The following QSER1 variants were observed in gnomAD, a reference collection of about 807,000 sequenced individuals.
The protein encoded by QSER1 is glutamine and serine rich 1.
In QSER1, 49 loss-of-function variants were observed where a neutral mutation model predicts 158.5. The ratio of observed to expected loss-of-function variants is 0.31; its 90% CI spans 0.25 to 0.39. QSER1 has a LOEUF of 0.39. QSER1 is among the 10% of genes least tolerant of loss of function. The pLI is 1.00. For synonymous variants in QSER1, 650 were observed against 715.5 expected (o/e 0.91, Z 1.46); for missense variants, 1,754 against 2,010.3 (o/e 0.87, Z 2.44).
At chr11:32,953,740 C>A in intron 4 of QSER1, 117 bp from the exon 5 acceptor site, 1 of 1,223,862 alleles carries the variant, frequency 8.2e-7, no homozygotes. Flanking sequence ...GGTTTTGTTT[C>A]AACCAGTTTG....
chr11:32,959,859 T>C (rs765159813), intron 8 of QSER1, among the ~76,000 whole-genome samples: 2 of 151,960 alleles, frequency 1.3e-5, no homozygotes, highest in Non-Finnish European at 2.9e-5. Flanking sequence ...CCTCCCAGGC[T>C]CAAGTGATCC....
At chr11:32,907,377 A>T (rs917423447) in intron 1 of QSER1, among the ~76,000 whole-genome samples, 2 of 152,242 alleles carry the variant, frequency 1.3e-5, no homozygotes, top group African/African-American at 2.4e-5. Context: ...AATTGTGATA[A>T]ATGTATTTTT....
Position 32,934,899 on chromosome 11 carries a change from A to G in QSER1, c.3641A>G (p.Glu1214Gly). ...RAKGKGQVKE[E>G]DNSNQKQLKR... ...AAAGGAAAAGGGCAAGTTAAAGAGG[A>G]AGACAACAGTAATCAGAAACAGCTG... The change falls in exon 4 of 13, where the codon GAA (glutamate) becomes GGA (glycine). Residue 1214 changes from glutamate (E) to glycine (G), a missense_variant. Transcript: ENST00000650167. 1.2e-6 allele frequency: 2 copies of G among 1,613,846 alleles called. No individual in the cohort carries two copies. The highest frequency in any genetic ancestry group is 1.7e-6 in the Non-Finnish European group (2 of 1,179,932).
chr11:32,965,380 G>C (rs952757944), intron 8 of QSER1, among the ~76,000 whole-genome samples: 9 of 152,030 alleles, frequency 5.9e-5, no homozygotes, highest in African/African-American at 2.2e-4. Context: ...CTCCCAAAGT[G>C]TTGGGATTAC....
rs889786470 is a variant in QSER1, at chr11:32,980,094, C to T, written c.*3620C>T. 1.3e-5 allele frequency: 2 copies of T among 152,576 alleles called. No individual in the cohort carries two copies. The highest frequency in any genetic ancestry group is 2.4e-5 in the African/African-American group (1 of 41,448). The allele number at this position is 152,576 out of a possible 1,614,324, so 9.5% of individuals were successfully genotyped here. A position where few individuals can be genotyped will look rare whatever the true frequency, so the allele number is the denominator to read the frequency against. On this transcript the variant is annotated 3_prime_UTR_variant, in exon 13 of 13. Coordinates refer to ENST00000650167, the MANE Select transcript of QSER1 (RefSeq NM_001076786.3). Reference sequence around the variant, plus strand: ...CACAAATGCATGTGTTAGCAAATCACCTTTATTTATAAGTGACAATAATTG... The same window carrying T: ...CACAAATGCATGTGTTAGCAAATCATCTTTATTTATAAGTGACAATAATTG...
chr11:32,927,932 CT>C, intron 2 of QSER1, 29 bp from the exon 3 acceptor site: 1 of 460,478 alleles, frequency 2.2e-6, no homozygotes, highest in Non-Finnish European at 3.7e-6. Context: ...TTTTTTTTTA[CT>C]TTGGGATATA....
At chr11:32,958,663 T>A (rs1852568365) in intron 8 of QSER1, among the ~76,000 whole-genome samples, 1 of 152,188 alleles carries the variant, frequency 6.6e-6, no homozygotes, top group African/African-American at 2.4e-5. Flanking sequence ...ATTACGGGCA[T>A]GAGCCACTGC....
rs980515128 is a variant in QSER1 at position 32,977,340 on chromosome 11, C to T, written c.*866C>T. 2.6e-5 allele frequency: 4 copies of T among 152,494 alleles called. No homozygotes were observed. Among genetic ancestry groups the T allele is most frequent in the African/African-American group, 9.7e-5 (4 of 41,414 alleles). The allele number at this position is 152,494 out of a possible 1,614,324, so 9.4% of individuals were successfully genotyped here. ...TAATGTGAATTCTATCTTGAGGTAACCATTTTTTTCATACAGATTTGCTTC... is the reference window on the plus strand; with the variant it reads ...TAATGTGAATTCTATCTTGAGGTAATCATTTTTTTCATACAGATTTGCTTC... On this transcript the variant is annotated 3_prime_UTR_variant, in exon 13 of 13. Coordinates refer to ENST00000650167, the MANE Select transcript of QSER1 (RefSeq NM_001076786.3).
chr11:32,971,914 T>G (rs566413996), intron 10 of QSER1, among the ~76,000 whole-genome samples: 143 of 151,838 alleles, frequency 9.4e-4, no homozygotes, highest in African/African-American at 3.2e-3. Flanking sequence ...ATACAAAAAA[T>G]TAGCCGGGCG....
Position 32,932,779 on chromosome 11 carries a change from T to C in QSER1, c.1521T>C (p.Phe507=), listed in dbSNP as rs1056568094. ...KLPPLYKTLT[F]SGSSQTVTPE... ...CACCCTTGTATAAAACATTGACTTT[T>C]TCTGGGTCATCTCAGACTGTAACTC... The change falls in exon 4 of 13, where the codon TTT becomes TTC. Residue 507 remains phenylalanine, a synonymous_variant. Coordinates refer to ENST00000650167, the MANE Select transcript of QSER1 (RefSeq NM_001076786.3). The C allele has an allele frequency of 6.2e-7, 1 of 1,613,944 alleles. No individual in the cohort carries two copies. The highest frequency in any genetic ancestry group is 8.5e-7 in the Non-Finnish European group (1 of 1,179,996).
intron 4 of QSER1, among the ~76,000 whole-genome samples, chr11:32,943,022 T>G (rs1852266894): frequency 6.6e-6 from 1 of 151,848 alleles, no homozygotes; most frequent in Non-Finnish European, 1.5e-5. Flanking sequence ...ACTCATGATT[T>G]GGCTCTCTGT....
At position 32,934,581 on chromosome 11, in the gene QSER1, A is replaced by G. The variant is rs201085763; in HGVS notation, c.3323A>G (p.Lys1108Arg). 1,396 of 1,613,622 alleles carry G rather than the reference A, an allele frequency of 8.7e-4. 5 individuals carry two copies. The highest frequency in any genetic ancestry group is 1.3e-3 in the Admixed American group (76 of 59,962). ...VQEQSSGPFK[K>R]QSATNLESEE... ...GAGCAAAGTTCTGGCCCATTCAAGA[A>G]ACAGTCTGCTACCAATCTTGAATCT... Residue 1108 changes from lysine to arginine, a missense_variant, in exon 4 of 13, where the codon AAA becomes AGA. Physicochemically the swap from Lys to Arg is conservative, Grantham distance 26. This residue lies in a region of QSER1 where 1,707 missense variants were observed against 1,919.6 expected (regional missense o/e 0.89). Transcript: ENST00000650167.
Position 32,953,897 on chromosome 11 carries a change from T to C in QSER1, c.4218T>C (p.Thr1406=). Residue 1406 remains threonine, a synonymous_variant, in exon 5 of 13, where the codon ACT becomes ACC. Transcript: ENST00000650167. ...QVATTSPTAN[T]TGTATTSSTT... Reference sequence around the variant, plus strand: ...CAACTACTAGCCCAACTGCCAATACTACTGGTACTGCTACTACTTCCTCAA... The same window carrying C: ...CAACTACTAGCCCAACTGCCAATACCACTGGTACTGCTACTACTTCCTCAA... 2 of 1,614,184 alleles carry C rather than the reference T, an allele frequency of 1.2e-6. No homozygotes were observed. Among genetic ancestry groups the C allele is most frequent in the East Asian group, 4.5e-5 (2 of 44,886 alleles).
intron 1 of QSER1, among the ~76,000 whole-genome samples, chr11:32,899,939 C>G (rs376541900): frequency 2.6e-5 from 4 of 152,106 alleles, no homozygotes; most frequent in Non-Finnish European, 5.9e-5. Context: ...ACATGATTGT[C>G]ACCCTCTCAA....
intron 8 of QSER1, among the ~76,000 whole-genome samples, chr11:32,962,305 A>G (rs1290740308): frequency 6.6e-6 from 1 of 152,098 alleles, no homozygotes; most frequent in Non-Finnish European, 1.5e-5. Flanking sequence ...GGCCATTTGT[A>G]TATCTTCTTT....
chr11:32,913,340 G>A (rs369071870), intron 1 of QSER1, among the ~76,000 whole-genome samples: 11 of 151,734 alleles, frequency 7.2e-5, no homozygotes, highest in South Asian at 2.1e-4. Context: ...ACAGGTGCGC[G>A]CCACCATGCC....
intron 10 of QSER1, among the ~76,000 whole-genome samples, chr11:32,971,642 G>A (rs1240850698): frequency 1.3e-5 from 2 of 152,180 alleles, no homozygotes; most frequent in Non-Finnish European, 2.9e-5. Flanking sequence ...AGAAAGGAAC[G>A]AAGCTCGAAC....
Position 32,969,271 on chromosome 11 carries a change from C to T in QSER1, c.5205+128C>T, listed in dbSNP as rs1852806822. Reference sequence around the variant, plus strand: ...ACCTAATGAAAATTTGGCTTTTATTCATTGTAAGTCCATTTAGTTTGTCTG... The same window carrying T: ...ACCTAATGAAAATTTGGCTTTTATTTATTGTAAGTCCATTTAGTTTGTCTG... On this transcript the variant is annotated intron_variant, in intron 10 of 12. Coordinates refer to ENST00000650167, the MANE Select transcript of QSER1 (RefSeq NM_001076786.3). 8 of 620,498 alleles carry T rather than the reference C, an allele frequency of 1.3e-5. No homozygotes were observed. In the Admixed American group the frequency reaches 1.8e-4, roughly 14 times the overall value. The allele number at this position is 620,498 out of a possible 1,614,324, so 38.4% of individuals were successfully genotyped here.
At position 32,941,132 on chromosome 11, in the gene QSER1, TCA is replaced by T. The variant is rs569676299; in HGVS notation, c.4177+5698_4177+5699del. Among the ~76,000 whole-genome samples, 1,031 of 151,894 alleles carry T rather than the reference TCA, an allele frequency of 6.8e-3. 6 individuals are homozygous for T. The highest frequency in any genetic ancestry group is 0.012 in the Non-Finnish European group (815 of 67,914). On this transcript the variant is annotated intron_variant, in intron 4 of 12. Coordinates refer to ENST00000650167, the MANE Select transcript of QSER1 (RefSeq NM_001076786.3). Reference sequence around the variant, plus strand: ...TTTCTTTTCGAACTGGCTTATTATTTCAGTTTTGATTTCCTTTTTAGCCCAGG... The same window carrying T: ...TTTCTTTTCGAACTGGCTTATTATTTGTTTTGATTTCCTTTTTAGCCCAGG...
Sources: allele counts gnomAD v4.1 joint callset (sites outside exome capture counted in the v4.1 genomes callset), GRCh38; gene constraint gnomAD v4.1.1; regional missense constraint gnomAD v4.1.1; transcripts MANE v1.5; gene names NCBI Gene and HGNC (gene_info 2026-07-23, HGNC 2026-07-21).